Variants in RP1L1 observed in about 807,000 individuals in gnomAD.
RP1L1 encodes retinitis pigmentosa 1-like 1 protein.
Under a neutral mutation model 15.7 loss-of-function variants are expected in RP1L1, and 27 were observed. The observed-to-expected ratio is 1.72, with a 90% CI of 1.27 to 2.38. The LOEUF (loss-of-function observed/expected upper bound fraction) is 2.38. Ranked by LOEUF, RP1L1 falls within the 30% of genes most tolerant of loss-of-function variation. The pLI is 0.00. For synonymous variants in RP1L1, 1,813 were observed against 1,276.7 expected (o/e 1.42, Z -8.96); for missense variants, 4,798 against 3,075.9 (o/e 1.56, Z -13.24).
chr8:10,622,766 T>C lies in RP1L1; in HGVS notation c.436A>G (p.Lys146Glu), dbSNP rs1563130933. ...REAPGTSSSR[K>E]SLKTPRRILL... Reference sequence around the variant, plus strand: ...ATCCTCCGGGGGGTTTTAAGACTCTTCCGGGAGGAGGAGGTGCCTGGGGCT... The same window carrying C: ...ATCCTCCGGGGGGTTTTAAGACTCTCCCGGGAGGAGGAGGTGCCTGGGGCT... Residue 146 changes from lysine (K) to glutamate (E), a missense_variant, in exon 2 of 4, where the codon AAG (lysine) becomes GAG (glutamate). Transcript: ENST00000382483. The C allele has an allele frequency of 3.1e-6, 5 of 1,613,986 alleles. No homozygotes were observed. Among genetic ancestry groups the C allele is most frequent in the Non-Finnish European group, 4.2e-6 (5 of 1,179,970 alleles).
chr8:10,652,319 CCAGCTAA>C (rs1798574490), intron 1 of RP1L1, among the ~76,000 whole-genome samples: 1 of 152,110 alleles, frequency 6.6e-6, no homozygotes, highest in Non-Finnish European at 1.5e-5. Context: ...ACTTAGGGCC[CCAGCTAA>C]CAGTAAGGCT....
chr8:10,609,191 T>TC lies in RP1L1; in HGVS notation c.4906dup (p.Glu1636GlyfsTer53). 1 of 1,611,420 alleles carries TC rather than the reference T, an allele frequency of 6.2e-7. No individual in the cohort carries two copies. Among genetic ancestry groups the TC allele is most frequent in the Non-Finnish European group, 8.5e-7 (1 of 1,179,528 alleles). On this transcript the variant is annotated frameshift_variant, in exon 4 of 4. Transcript: ENST00000382483. LOFTEE classifies it low-confidence loss of function (END_TRUNC). The stretch of plus-strand genomic sequence containing the variant: ...CCCCAGGGCTGTGCTGAGGGCTGGC[T>TC]CGTCCTCCAGGGTGAAGGAGAGGGG...
chr8:10,651,683 G>A (rs980512734), intron 1 of RP1L1, among the ~76,000 whole-genome samples: 2 of 151,352 alleles, frequency 1.3e-5, no homozygotes, highest in Admixed American at 1.3e-4. Flanking sequence ...CTTGAACTCA[G>A]GAGGCGGAGG....
At position 10,612,605 on chromosome 8, in the gene RP1L1, C is replaced by A. The variant is rs761943848; in HGVS notation, c.1493G>T (p.Ser498Ile). ...QIGAERKAGG[S>I]LGEDPGLCID... is the part of the protein sequence containing the mutation. ...GCATAGGCCGGGGTCCTCACCCAGG[C>A]TCCCTCCAGCTTTCCGCTCAGCCCC... The change falls in exon 4 of 4, where the codon AGC becomes ATC. Residue 498 changes from serine to isoleucine, a missense_variant. Physicochemically the swap from Ser to Ile is moderately radical, Grantham distance 142. Coordinates refer to ENST00000382483, the MANE Select transcript of RP1L1 (RefSeq NM_178857.6). The A allele has an allele frequency of 1.2e-5, 19 of 1,602,564 alleles. No homozygotes were observed. Among genetic ancestry groups the A allele is most frequent in the South Asian group, 5.5e-5 (5 of 91,036 alleles).
Position 10,621,891 on chromosome 8 carries a change from A to T in RP1L1, c.609+702T>A, listed in dbSNP as rs1357557172. ...GCCATTCCTGCAGACCCAGCTTCCAATTCACTCTCTGGCTTCCCAAACATG... is the reference window on the plus strand; with the variant it reads ...GCCATTCCTGCAGACCCAGCTTCCATTTCACTCTCTGGCTTCCCAAACATG... On this transcript the variant is annotated intron_variant, in intron 2 of 3. Coordinates refer to ENST00000382483, the MANE Select transcript of RP1L1 (RefSeq NM_178857.6). 7 of 417,400 alleles carry T rather than the reference A, an allele frequency of 1.7e-5. 1 individual carries two copies. The highest frequency in any genetic ancestry group is 1.4e-4 in the African/African-American group (7 of 48,990). 25.9% of individuals were successfully genotyped at this position (417,400 alleles called of 1,614,324 possible).
At position 10,616,514 on chromosome 8, in the gene RP1L1, G is replaced by A. The variant is rs753176925; in HGVS notation, c.683C>T (p.Pro228Leu). ...VCAGHEAFRT[P>L]AMKNARRSEA... ...GCTTCTCCTGGCATTTTTCATGGCT[G>A]GGGTTCTGAAGGCCTCATGCCCGGC... Residue 228 changes from proline to leucine, a missense_variant, in exon 3 of 4, where the codon CCA becomes CTA. Pro to Leu is a moderately conservative substitution (Grantham distance 98). Transcript: ENST00000382483. 2 of 1,614,070 alleles carry A rather than the reference G, an allele frequency of 1.2e-6. No individual in the cohort carries two copies. Among genetic ancestry groups the A allele is most frequent in the African/African-American group, 2.7e-5 (2 of 74,934 alleles).
chr8:10,645,741 C>G (rs535704316), intron 1 of RP1L1, among the ~76,000 whole-genome samples: 1 of 152,144 alleles, frequency 6.6e-6, no homozygotes, highest in Non-Finnish European at 1.5e-5. Flanking sequence ...CGGACACCTG[C>G]GAGTGATGGC....
chr8:10,613,530 G>A (rs150791353), intron 3 of RP1L1, among the ~76,000 whole-genome samples, 184 bp from the exon 4 acceptor site: 1 of 148,174 alleles, frequency 6.7e-6, no homozygotes, highest in Non-Finnish European at 1.5e-5. Context: ...TTGGGAGGCC[G>A]AGGCGGGAGG....
In RP1L1 at chr8:10,611,657, T is replaced by G; in HGVS notation, c.2441A>C (p.Glu814Ala). The G allele has an allele frequency of 6.2e-7, 1 of 1,613,092 alleles. No individual in the cohort carries two copies. The highest frequency in any genetic ancestry group is 2.2e-5 in the East Asian group (1 of 44,856). ...SPLVLQVGRP[E>A]QGAVGPHRSH... Reference sequence around the variant, plus strand: ...TCGGTGGGGGCCCACCGCCCCTTGCTCAGGCCGTCCAACCTGCAGAACCAA... The same window carrying G: ...TCGGTGGGGGCCCACCGCCCCTTGCGCAGGCCGTCCAACCTGCAGAACCAA... Residue 814 changes from glutamate (E) to alanine (A), a missense_variant, in exon 4 of 4, where the codon GAG (glutamate) becomes GCG (alanine). Transcript: ENST00000382483.
Position 10,630,066 on chromosome 8 carries a change from C to T in RP1L1, c.-19-6846G>A, listed in dbSNP as rs189587626. Reference sequence around the variant, plus strand: ...GTCAGGGTGGTGAGGGGGTCTCCTTCAGAGCTCAGTCATGAGGGCGTAGTC... The same window carrying T: ...GTCAGGGTGGTGAGGGGGTCTCCTTTAGAGCTCAGTCATGAGGGCGTAGTC... On this transcript the variant is annotated intron_variant, in intron 1 of 3. Coordinates refer to ENST00000382483, the MANE Select transcript of RP1L1 (RefSeq NM_178857.6). Among the ~76,000 whole-genome samples the T allele has an allele frequency of 4.1e-3, 619 of 152,332 alleles. 5 individuals are homozygous for T. Among genetic ancestry groups the T allele is most frequent in the African/African-American group, 0.014 (598 of 41,576 alleles).
intron 1 of RP1L1, among the ~76,000 whole-genome samples, chr8:10,629,862 C>A (rs543357020): frequency 3.3e-5 from 5 of 152,150 alleles, no homozygotes; most frequent in Non-Finnish European, 7.4e-5. Flanking sequence ...CCCATTCTGC[C>A]TGGCATTAGT....
chr8:10,627,316 A>G (rs1053226765), intron 1 of RP1L1, among the ~76,000 whole-genome samples: 40 of 152,204 alleles, frequency 2.6e-4, no homozygotes, highest in Non-Finnish European at 5.3e-4. Context: ...AAAGGTAGGA[A>G]AATCTGGCCC....
In RP1L1 at chr8:10,610,031, A is replaced by C; in HGVS notation, c.4067T>G (p.Leu1356Ter). ...GEGQQEEEAQLEEIEETGGEG... is the reference protein window; with the variant it reads ...GEGQQEEEAQ ...TCCTCCTGTTTCTTCAATTTCCTCT[A>C]ACTGCGCCTCTTCTTCTTGCTGTCC... Residue 1356 changes from leucine to a stop codon, truncating the protein, a stop_gained, in exon 4 of 4, where the codon TTA becomes TGA. Coordinates refer to ENST00000382483, the MANE Select transcript of RP1L1 (RefSeq NM_178857.6). LOFTEE classifies it low-confidence loss of function (END_TRUNC). 4 of 1,366,392 alleles carry C rather than the reference A, an allele frequency of 2.9e-6. No individual in the cohort carries two copies. Among genetic ancestry groups the C allele is most frequent in the African/African-American group, 4.2e-5 (2 of 47,974 alleles). 84.6% of individuals were successfully genotyped at this position (1,366,392 alleles called of 1,614,324 possible). A position where few individuals can be genotyped will look rare whatever the true frequency, so the allele number is the denominator to read the frequency against.
chr8:10,652,116 C>T lies in RP1L1; in HGVS notation c.-20+2782G>A, dbSNP rs529815126. On this transcript the variant is annotated intron_variant, in intron 1 of 3. Coordinates refer to ENST00000382483, the MANE Select transcript of RP1L1 (RefSeq NM_178857.6). ...TGTAGTAGACAACACCATCTAGTTT[C>T]GTGCAAGTATACTCTATGATCGCAT... Among the ~76,000 whole-genome samples, 48 of 152,242 alleles carry T rather than the reference C, an allele frequency of 3.2e-4. 1 individual carries two copies. The South Asian group carries it at 7.7e-3, about 24-fold the overall frequency.
intron 1 of RP1L1, among the ~76,000 whole-genome samples, chr8:10,632,639 C>T (rs186932508): frequency 4.4e-4 from 67 of 152,342 alleles, no homozygotes; most frequent in African/African-American, 1.5e-3. Flanking sequence ...AGGATGAGGC[C>T]GCTGACTTTG....
chr8:10,631,061 T>C (rs1798233571), intron 1 of RP1L1, among the ~76,000 whole-genome samples: 2 of 152,212 alleles, frequency 1.3e-5, no homozygotes, highest in South Asian at 4.2e-4. Context: ...GGAGGTTTGT[T>C]TACGGCTGCC....
intron 1 of RP1L1, among the ~76,000 whole-genome samples, chr8:10,642,269 A>G (rs540693900): frequency 2.0e-5 from 3 of 152,230 alleles, no homozygotes; most frequent in Non-Finnish European, 4.4e-5. Flanking sequence ...TTTCTTACTC[A>G]CTGAGTTCCT....
chr8:10,608,718 C>A lies in RP1L1; in HGVS notation c.5380G>T (p.Gly1794Ter), dbSNP rs377223751. Residue 1794 changes from glycine to a stop codon, truncating the protein, a stop_gained, in exon 4 of 4, where the codon GGA becomes TGA. Coordinates refer to ENST00000382483, the MANE Select transcript of RP1L1 (RefSeq NM_178857.6). LOFTEE classifies it low-confidence loss of function (END_TRUNC). Reference protein sequence around the residue: ...GSELGEAEQEGEGISERGETG... With the variant: ...GSELGEAEQE ...TCTCCCCTTTCACTTATGCCCTCTC[C>A]CTCCTGCTCAGCTTCCCCCAACTCA... The A allele has an allele frequency of 1.2e-6, 2 of 1,614,132 alleles. No individual in the cohort carries two copies. Among genetic ancestry groups the A allele is most frequent in the African/African-American group, 2.7e-5 (2 of 74,938 alleles).
chr8:10,611,113 C>G lies in RP1L1; in HGVS notation c.2985G>C (p.Gly995=). 6.2e-7 allele frequency: 1 copy of G among 1,612,904 alleles called. No homozygotes were observed. The highest frequency in any genetic ancestry group is 8.5e-7 in the Non-Finnish European group (1 of 1,180,012). The change falls in exon 4 of 4, where the codon GGG becomes GGC. Residue 995 remains glycine (G), a synonymous_variant. Coordinates refer to ENST00000382483, the MANE Select transcript of RP1L1 (RefSeq NM_178857.6). ...CCAGGCCTTCCAGAGAATGGTCATC[C>G]CCAGGGTCCACCTCGGGGCCTCTCA... ...GGLRGPEVDP[G]DDHSLEGLGE...
Sources: allele counts gnomAD v4.1 joint callset (sites outside exome capture counted in the v4.1 genomes callset), GRCh38; gene constraint gnomAD v4.1.1; transcripts MANE v1.5; gene names NCBI Gene and HGNC (gene_info 2026-07-23, HGNC 2026-07-21).